Variants in PCSK5 observed in about 807,000 individuals in gnomAD.
PCSK5 encodes prohormone convertase 5.
PCSK5 carries 129 observed loss-of-function variants against 233.2 expected under a neutral mutation model. The ratio of observed to expected loss-of-function variants is 0.55; its 90% CI spans 0.48 to 0.64. The LOEUF (loss-of-function observed/expected upper bound fraction) is 0.64. Ranked by LOEUF, PCSK5 falls within the 30% of genes least tolerant of loss-of-function variation. The pLI is 0.00. For synonymous variants in PCSK5, 825 were observed against 879.2 expected, an observed-to-expected ratio of 0.94 and a Z score of 1.09; for missense variants, 2,076 against 2,430.1, an observed-to-expected ratio of 0.85 and a Z score of 3.06.
At chr9:76,325,258 G>A (rs753962424) in intron 32 of PCSK5, among the ~76,000 whole-genome samples, 3 of 152,100 alleles carry the variant, frequency 2.0e-5, no homozygotes, top group Non-Finnish European at 4.4e-5. Context: ...CAGGAACTGA[G>A]GTTCAACTTC....
In PCSK5 at chr9:76,037,032, C is replaced by T. The variant is rs868317420; in HGVS notation, c.632+9995C>T. On this transcript the variant is annotated intron_variant, in intron 5 of 37. Transcript: ENST00000674117. Reference sequence around the variant, plus strand: ...CTAATACCATGTGTATGTGTAACTTCGAACAAGTAACAAAGATTATATTTT... The same window carrying T: ...CTAATACCATGTGTATGTGTAACTTTGAACAAGTAACAAAGATTATATTTT... 1.5e-3 allele frequency among the ~76,000 whole-genome samples: 221 copies of T among 152,268 alleles called. 1 individual carries two copies. Among genetic ancestry groups the T allele is most frequent in the Middle Eastern group, 6.8e-3 (2 of 294 alleles).
intron 5 of PCSK5, among the ~76,000 whole-genome samples, chr9:76,027,935 T>A (rs1828498010): frequency 6.6e-6 from 1 of 152,246 alleles, no homozygotes; most frequent in Non-Finnish European, 1.5e-5. Flanking sequence ...ATTTCTAATC[T>A]GCTTTTTTCT....
In PCSK5 at chr9:76,350,841, G is replaced by A. The variant is rs1830102784; in HGVS notation, c.4980G>A (p.Leu1660=). The change falls in exon 36 of 38, where the codon TTG becomes TTA. Residue 1660 remains leucine, a synonymous_variant. Transcript: ENST00000674117. Reference sequence around the variant, plus strand: ...TTTCTCTTTCAGGAAAAGGAGCGTTGAATTGTTTATCCTGTGTGTGGAGTT... The same window carrying A: ...TTTCTCTTTCAGGAAAAGGAGCGTTAAATTGTTTATCCTGTGTGTGGAGTT... ...TCDQCKGKGA[L]NCLSCVWSYH... 6.3e-7 allele frequency: 1 copy of A among 1,598,262 alleles called. No individual in the cohort carries two copies. The highest frequency in any genetic ancestry group is 1.7e-5 in the Admixed American group (1 of 59,684).
chr9:75,945,982 G>A (rs991361148), intron 2 of PCSK5, among the ~76,000 whole-genome samples: 1 of 152,132 alleles, frequency 6.6e-6, no homozygotes, highest in African/African-American at 2.4e-5. Flanking sequence ...CCATATTGTT[G>A]ATTTGGTGAC....
chr9:75,920,360 C>T (rs2131254570), intron 1 of PCSK5, among the ~76,000 whole-genome samples: 1 of 152,244 alleles, frequency 6.6e-6, no homozygotes, highest in East Asian at 1.9e-4. Flanking sequence ...GTGATCAGAG[C>T]TCAATGCAGC....
At chr9:75,940,559 C>T (rs1320612781) in intron 2 of PCSK5, among the ~76,000 whole-genome samples, 1 of 152,226 alleles carries the variant, frequency 6.6e-6, no homozygotes, top group Non-Finnish European at 1.5e-5. Context: ...AAAGCAAGTT[C>T]AAGTTTCCTA....
intron 10 of PCSK5, among the ~76,000 whole-genome samples, chr9:76,138,428 T>C: frequency 6.6e-6 from 1 of 152,196 alleles, no homozygotes; most frequent in Middle Eastern, 3.4e-3. Context: ...CATAGAGCCA[T>C]GCGGAAGACT....
At chr9:76,098,996 C>T (rs1176361485) in intron 8 of PCSK5, among the ~76,000 whole-genome samples, 2 of 152,188 alleles carry the variant, frequency 1.3e-5, no homozygotes, top group Non-Finnish European at 2.9e-5. Context: ...GACACCATGA[C>T]TAAATGTTAA....
chr9:75,911,035 T>C (rs1242984530), intron 1 of PCSK5, among the ~76,000 whole-genome samples: 1 of 152,092 alleles, frequency 6.6e-6, no homozygotes, highest in Non-Finnish European at 1.5e-5. Flanking sequence ...GGTTTGCCGA[T>C]TTGCGATCTG....
intron 20 of PCSK5, among the ~76,000 whole-genome samples, chr9:76,216,231 G>A (rs993958221): frequency 2.6e-5 from 4 of 152,116 alleles, no homozygotes; most frequent in Non-Finnish European, 4.4e-5. Context: ...GGTGGAACCC[G>A]GCGCTCTACA....
At chr9:76,173,457 A>G (rs1416002058) in intron 13 of PCSK5, among the ~76,000 whole-genome samples, 1 of 113,194 alleles carries the variant, frequency 8.8e-6, no homozygotes, top group Non-Finnish European at 1.8e-5. Context: ...TCCTTTTGAG[A>G]TCAGTTTTAC....
At chr9:76,066,960 T>C (rs1830309433) in intron 5 of PCSK5, among the ~76,000 whole-genome samples, 1 of 152,202 alleles carries the variant, frequency 6.6e-6, no homozygotes, top group Non-Finnish European at 1.5e-5. Flanking sequence ...GGGATGGGCA[T>C]TTAACTTCAT....
intron 2 of PCSK5, among the ~76,000 whole-genome samples, chr9:75,949,043 AT>A (rs994551672): frequency 6.6e-5 from 10 of 150,956 alleles, no homozygotes; most frequent in African/African-American, 2.4e-4. Flanking sequence ...TAATGAATAT[AT>A]TTTAAGAAAA....
intron 34 of PCSK5, among the ~76,000 whole-genome samples, chr9:76,334,889 C>A (rs562315686): frequency 2.0e-4 from 30 of 152,160 alleles, no homozygotes; most frequent in Non-Finnish European, 1.5e-4. Context: ...ACCAGCCTTG[C>A]CAACATGGTG....
chr9:75,953,644 G>GTC (rs1554665120), intron 2 of PCSK5, among the ~76,000 whole-genome samples: 14 of 136,914 alleles, frequency 1.0e-4, no homozygotes, highest in Admixed American at 4.0e-4. Context: ...ATGTGTGTGT[G>GTC]TCTGTGTGTG....
intron 10 of PCSK5, among the ~76,000 whole-genome samples, chr9:76,144,155 G>C (rs1223310009): frequency 1.3e-5 from 2 of 152,046 alleles, no homozygotes; most frequent in Non-Finnish European, 2.9e-5. Context: ...CGGCCCTGAA[G>C]CCAACTTAGA....
At chr9:76,274,465 G>C (rs901866142) in intron 24 of PCSK5, among the ~76,000 whole-genome samples, 1 of 151,646 alleles carries the variant, frequency 6.6e-6, no homozygotes, top group African/African-American at 2.4e-5. Flanking sequence ...TTCCTTATGT[G>C]GTCTATGTTT....
chr9:76,016,819 C>T (rs1057411816), intron 3 of PCSK5, among the ~76,000 whole-genome samples: 7 of 152,160 alleles, frequency 4.6e-5, no homozygotes, highest in Non-Finnish European at 1.0e-4. Flanking sequence ...ACCTAAAGAC[C>T]ATCCAGTTAT....
chr9:76,075,287 G>A (rs372919941), intron 7 of PCSK5, among the ~76,000 whole-genome samples: 1 of 151,954 alleles, frequency 6.6e-6, no homozygotes, highest in Non-Finnish European at 1.5e-5. Flanking sequence ...GCTCTGTAGT[G>A]TCATTTATTT....
Sources: gnomAD v4.1 joint callset for allele counts (sites outside exome capture counted in the v4.1 genomes callset) on GRCh38, gnomAD v4.1.1 for gene constraint, MANE v1.5 for transcripts, NCBI Gene and HGNC (gene_info 2026-07-23, HGNC 2026-07-21) for gene names.